SLC2A13: variants seen among roughly 807,000 people sequenced by gnomAD.
SLC2A13 encodes the protein proton myo-inositol cotransporter.
Under a neutral mutation model 64.4 loss-of-function variants are expected in SLC2A13, and 32 were observed. The observed-to-expected ratio is 0.50, with a 90% CI of 0.37 to 0.67. The LOEUF is 0.67. Ranked by LOEUF, SLC2A13 falls within the 30% of genes least tolerant of loss-of-function variation. The pLI is 0.00. For missense variants in SLC2A13, 743 were observed against 829.2 expected, an observed-to-expected ratio of 0.90 and a Z score of 1.28; for synonymous variants, 338 against 327.1, an observed-to-expected ratio of 1.03 and a Z score of -0.36.
intron 4 of SLC2A13, among the ~76,000 whole-genome samples, chr12:39,886,115 A>G (rs1944458562): frequency 6.6e-6 from 1 of 152,244 alleles, no homozygotes; most frequent in Non-Finnish European, 1.5e-5. Context: ...TTCAATTGAC[A>G]GAGATAAATT....
At chr12:39,867,892 G>A (rs1331368182) in intron 5 of SLC2A13, among the ~76,000 whole-genome samples, 1 of 152,060 alleles carries the variant, frequency 6.6e-6, no homozygotes, top group Non-Finnish European at 1.5e-5. Context: ...CCAAGACAGG[G>A]CTAAAACCCC....
At chr12:39,911,837 G>T (rs902657137) in intron 4 of SLC2A13, among the ~76,000 whole-genome samples, 6 of 152,092 alleles carry the variant, frequency 3.9e-5, no homozygotes, top group Non-Finnish European at 8.8e-5. Context: ...AACAGACAGG[G>T]TAGGAAAGGA....
intron 3 of SLC2A13, among the ~76,000 whole-genome samples, chr12:39,980,011 C>T (rs1946858237): frequency 4.6e-5 from 7 of 151,250 alleles, no homozygotes; most frequent in Admixed American, 1.3e-4. Flanking sequence ...AGAGTGAGGG[C>T]CAATATTCAA....
intron 7 of SLC2A13, among the ~76,000 whole-genome samples, chr12:39,775,648 C>T (rs753011719): frequency 6.6e-6 from 1 of 152,160 alleles, no homozygotes; most frequent in African/African-American, 2.4e-5. Flanking sequence ...TGGAAACAAA[C>T]AAGATGTCAC....
At chr12:39,765,636 C>A (rs1349255404) in intron 7 of SLC2A13, among the ~76,000 whole-genome samples, 2 of 152,086 alleles carry the variant, frequency 1.3e-5, no homozygotes, top group African/African-American at 4.8e-5. Flanking sequence ...TAACATTCCA[C>A]CTGTCTTGAT....
At chr12:39,859,319 T>TA in intron 6 of SLC2A13, among the ~76,000 whole-genome samples, 1 of 125,216 alleles carries the variant, frequency 8.0e-6, no homozygotes, top group African/African-American at 3.2e-5. Context: ...GCTGGCAGTT[T>TA]TTTTTTTTTT....
At chr12:40,049,362 G>A (rs1159941748) in intron 1 of SLC2A13, among the ~76,000 whole-genome samples, 2 of 152,010 alleles carry the variant, frequency 1.3e-5, no homozygotes, top group Non-Finnish European at 2.9e-5. Context: ...ACGAATTTAT[G>A]ATGGCAAAAA....
At chr12:40,049,708 A>G (rs1218871823) in intron 1 of SLC2A13, among the ~76,000 whole-genome samples, 5 of 152,102 alleles carry the variant, frequency 3.3e-5, no homozygotes, top group Non-Finnish European at 5.9e-5. Flanking sequence ...TTTTTCCTCT[A>G]TTTTTATTTG....
chr12:40,073,243 A>G (rs1938032467), intron 1 of SLC2A13, among the ~76,000 whole-genome samples: 2 of 152,094 alleles, frequency 1.3e-5, no homozygotes, highest in African/African-American at 4.8e-5. Flanking sequence ...ACATACAAGC[A>G]CATGTACACA....
intron 6 of SLC2A13, among the ~76,000 whole-genome samples, chr12:39,844,125 G>A (rs769921422): frequency 4.6e-5 from 7 of 152,028 alleles, no homozygotes; most frequent in Non-Finnish European, 7.4e-5. Context: ...AAACATTGAT[G>A]TGTCCCTAAA....
chr12:39,828,589 TTAC>T (rs1419816375), intron 7 of SLC2A13, among the ~76,000 whole-genome samples: 1 of 152,164 alleles, frequency 6.6e-6, no homozygotes, highest in African/African-American at 2.4e-5. Flanking sequence ...TAGTGTCTCT[TTAC>T]TACTTAGTAG....
intron 3 of SLC2A13, among the ~76,000 whole-genome samples, chr12:40,011,407 A>C (rs963298048): frequency 3.3e-5 from 5 of 152,080 alleles, no homozygotes; most frequent in African/African-American, 1.2e-4. Flanking sequence ...GTTTCTAATA[A>C]ACTTTCTTGG....
At chr12:39,891,149 A>C (rs572659253) in intron 4 of SLC2A13, among the ~76,000 whole-genome samples, 5 of 149,580 alleles carry the variant, frequency 3.3e-5, no homozygotes, top group African/African-American at 1.2e-4. Context: ...AATTTTGAGG[A>C]TGCATCTAGG....
chr12:39,761,409 C>A (rs536204260), intron 9 of SLC2A13, among the ~76,000 whole-genome samples: 17 of 152,098 alleles, frequency 1.1e-4, no homozygotes, highest in African/African-American at 3.9e-4. Context: ...CTTTGCCCAA[C>A]TGTAAAGAAT....
intron 1 of SLC2A13, among the ~76,000 whole-genome samples, chr12:40,103,278 G>A (rs1031640190): frequency 2.6e-5 from 4 of 152,048 alleles, no homozygotes; most frequent in Non-Finnish European, 4.4e-5. Flanking sequence ...TGCTTAGAAC[G>A]TCCTTTCCTC....
intron 3 of SLC2A13, among the ~76,000 whole-genome samples, chr12:39,973,621 C>T (rs184817672): frequency 5.8e-4 from 88 of 152,276 alleles, no homozygotes; most frequent in African/African-American, 1.9e-3. Flanking sequence ...CTTGATTCCT[C>T]GGCTACTCAC....
chr12:40,051,003 T>G (rs1565605737), intron 1 of SLC2A13, among the ~76,000 whole-genome samples: 1 of 152,188 alleles, frequency 6.6e-6, no homozygotes, highest in Non-Finnish European at 1.5e-5. Context: ...TTATTCTTAT[T>G]ATCATCTCTA....
chr12:40,072,249 A>G (rs1235581699), intron 1 of SLC2A13, among the ~76,000 whole-genome samples: 1 of 152,114 alleles, frequency 6.6e-6, no homozygotes, highest in African/African-American at 2.4e-5. Flanking sequence ...ATTCCATTGT[A>G]GCCTAAGGAC....
chr12:39,835,351 C>T (rs1310337208), intron 6 of SLC2A13, among the ~76,000 whole-genome samples: 2 of 152,022 alleles, frequency 1.3e-5, no homozygotes, highest in South Asian at 4.1e-4. Context: ...AGTGTAAAAA[C>T]CTATTAGAAT....
Sources: allele counts gnomAD v4.1 joint callset (sites outside exome capture counted in the v4.1 genomes callset), GRCh38; gene constraint gnomAD v4.1.1; transcripts MANE v1.5; gene names NCBI Gene and HGNC (gene_info 2026-07-23, HGNC 2026-07-21).